Variants in XNDC1N observed in about 807,000 individuals in gnomAD.
XNDC1N encodes the protein XRCC1 N-terminal domain containing 1, N-terminal like.
At chr11:71,919,389 CTTTTTT>C in the XNDC1N span, among the ~76,000 whole-genome samples, 1 of 134,496 alleles carries the variant, frequency 7.4e-6, no homozygotes. Flanking sequence ...AAGCAGAGCT[CTTTTTT>C]TTTTTTTTTT....
chr11:71,885,953 A>G, the XNDC1N span, among the ~76,000 whole-genome samples: 2 of 151,914 alleles, frequency 1.3e-5, no homozygotes, highest in East Asian at 3.9e-4. Context: ...TAAAAATATT[A>G]TGGGTTATTA....
chr11:71,898,617 CAATTA>C, the XNDC1N span, among the ~76,000 whole-genome samples: 22 of 152,116 alleles, frequency 1.4e-4, no homozygotes, highest in African/African-American at 5.1e-4. Context: ...CAAAACAAAA[CAATTA>C]AATACAGTAT....
the XNDC1N span, among the ~76,000 whole-genome samples, chr11:71,909,032 A>G: frequency 1.3e-5 from 2 of 152,172 alleles, no homozygotes; most frequent in African/African-American, 4.8e-5. Flanking sequence ...GTCCAGCACA[A>G]TTCTACCAGA....
chr11:71,869,614 C>G, the XNDC1N span, among the ~76,000 whole-genome samples: 2 of 152,272 alleles, frequency 1.3e-5, no homozygotes, highest in African/African-American at 4.8e-5. Context: ...TTTGTTCTTT[C>G]TTAAAAGGGC....
chr11:71,919,795 T>C, the XNDC1N span, among the ~76,000 whole-genome samples: 1 of 149,188 alleles, frequency 6.7e-6, no homozygotes, highest in Non-Finnish European at 1.5e-5. Flanking sequence ...TTTTTTGTAT[T>C]TTTAGTAGAG....
At chr11:71,908,667 C>T in the XNDC1N span, among the ~76,000 whole-genome samples, 10 of 152,188 alleles carry the variant, frequency 6.6e-5, no homozygotes, top group Non-Finnish European at 1.3e-4. Flanking sequence ...CGCCCCATAC[C>T]GAAAAGCCAC....
the XNDC1N span, chr11:71,878,366 A>G: frequency 2.1e-6 from 3 of 1,459,754 alleles, no homozygotes; most frequent in Non-Finnish European, 2.8e-6. Context: ...TCACTCAGCA[A>G]CTCACCTCTT....
chr11:71,905,418 A>AC, the XNDC1N span, among the ~76,000 whole-genome samples: 4,756 of 151,320 alleles, frequency 0.031, 73 homozygotes, highest in East Asian at 0.078. Context: ...TAAAAGTAAC[A>AC]CCCCCCCTAG....
At chr11:71,873,395 G>T in the XNDC1N span, among the ~76,000 whole-genome samples, 1 of 152,128 alleles carries the variant, frequency 6.6e-6, no homozygotes, top group Admixed American at 6.5e-5. Flanking sequence ...TGTTGTGTTT[G>T]AATATCTCTA....
the XNDC1N span, among the ~76,000 whole-genome samples, chr11:71,913,480 A>G: frequency 0.055 from 8,377 of 151,882 alleles, 268 homozygotes; most frequent in African/African-American, 0.1. Context: ...CCAATATGTT[A>G]AAACCCCATC....
the XNDC1N span, chr11:71,928,273 C>T: frequency 1.7e-6 from 1 of 576,532 alleles, no homozygotes; most frequent in Non-Finnish European, 3.1e-6. Context: ...CACAGCTCAT[C>T]GGGAACAGGC....
the XNDC1N span, among the ~76,000 whole-genome samples, chr11:71,900,560 C>A: frequency 6.6e-6 from 1 of 152,142 alleles, no homozygotes; most frequent in African/African-American, 2.4e-5. Context: ...AAATTTTGCT[C>A]TCCTCCCCCA....
At chr11:71,921,627 T>C in the XNDC1N span, among the ~76,000 whole-genome samples, 1 of 152,158 alleles carries the variant, frequency 6.6e-6, no homozygotes, top group African/African-American at 2.4e-5. Flanking sequence ...GTTTTCAACC[T>C]TTTTTGTTTT....
the XNDC1N span, among the ~76,000 whole-genome samples, chr11:71,869,813 T>C: frequency 5.3e-5 from 8 of 152,228 alleles, no homozygotes; most frequent in Non-Finnish European, 1.5e-5. Context: ...GAAGACACTC[T>C]GGCTTTTTGA....
At chr11:71,908,412 G>C in the XNDC1N span, among the ~76,000 whole-genome samples, 5 of 151,674 alleles carry the variant, frequency 3.3e-5, no homozygotes, top group Non-Finnish European at 4.4e-5. Flanking sequence ...ATTATATTAT[G>C]GGTTATTAAA....
the XNDC1N span, among the ~76,000 whole-genome samples, chr11:71,922,589 C>T: frequency 6.6e-6 from 1 of 152,194 alleles, no homozygotes; most frequent in Admixed American, 6.5e-5. Context: ...AGGCATGAGT[C>T]CCATGCCTGG....
At chr11:71,868,033 T>C in the XNDC1N span, among the ~76,000 whole-genome samples, 1 of 152,234 alleles carries the variant, frequency 6.6e-6, no homozygotes, top group Non-Finnish European at 1.5e-5. Context: ...CCTTTACCAT[T>C]ATGTAATGCC....
chr11:71,909,481 G>A, the XNDC1N span, among the ~76,000 whole-genome samples: 2 of 152,172 alleles, frequency 1.3e-5, no homozygotes, highest in East Asian at 3.8e-4. Context: ...CTCAGAGCAG[G>A]AGGCCCTGGA....
chr11:71,903,361 C>T, the XNDC1N span: 17 of 1,460,970 alleles, frequency 1.2e-5, no homozygotes, highest in South Asian at 1.7e-4. Context: ...ACCTCCACAC[C>T]CCATGTACTT....
Sources: allele counts gnomAD v4.1 joint callset (sites outside exome capture counted in the v4.1 genomes callset), GRCh38; gene constraint gnomAD v4.1.1; transcripts MANE v1.5; gene names NCBI Gene and HGNC (gene_info 2026-07-23, HGNC 2026-07-21).